Variants in PIWIL1 observed in about 807,000 individuals in gnomAD.
PIWIL1 encodes the protein piwi-like protein 1.
PIWIL1 carries 73 observed loss-of-function variants against 114.4 expected under a neutral mutation model. The observed-to-expected ratio is 0.64, with a 90% CI of 0.53 to 0.78. PIWIL1 has a LOEUF of 0.78. PIWIL1 is among the 30% of genes least tolerant of loss of function. The pLI is 0.00. For missense variants in PIWIL1, 723 were observed against 1,063.1 expected, an observed-to-expected ratio of 0.68 and a Z score of 4.45; for synonymous variants, 375 against 369.0, an observed-to-expected ratio of 1.02 and a Z score of -0.19.
In PIWIL1 at chr12:130,371,245, C is replaced by G; in HGVS notation, c.2391C>G (p.Ile797Met). ...TTTCTCCCACACATTACAATGTCAT[C>G]TATGACAACAGCGGCCTGAAGCCAG... ...GSVSPTHYNV[I>M]YDNSGLKPDH... The change falls in exon 20 of 21, where the codon ATC (isoleucine) becomes ATG (methionine). Residue 797 changes from isoleucine to methionine, a missense_variant. Transcript: ENST00000245255. 1 of 1,614,216 alleles carries G rather than the reference C, an allele frequency of 6.2e-7. No individual in the cohort carries two copies. Among genetic ancestry groups the G allele is most frequent in the Non-Finnish European group, 8.5e-7 (1 of 1,180,026 alleles).
At chr12:130,340,628 TG>T (rs2072887207) in intron 1 of PIWIL1, among the ~76,000 whole-genome samples, 4 of 4,314 alleles carry the variant, frequency 9.3e-4, no homozygotes, top group Admixed American at 9.1e-3. Flanking sequence ...TTGGTGGTGG[TG>T]GTTGGGGGAG....
chr12:130,405,039 G>A, the PIWIL1 span, among the ~76,000 whole-genome samples: 1 of 152,140 alleles, frequency 6.6e-6, no homozygotes, highest in South Asian at 2.1e-4. Flanking sequence ...GTAGATACTT[G>A]AGATTTACAT....
chr12:130,352,319 G>A (rs1249790892), intron 9 of PIWIL1, among the ~76,000 whole-genome samples: 1 of 152,082 alleles, frequency 6.6e-6, no homozygotes, highest in African/African-American at 2.4e-5. Context: ...AAAATAAAAG[G>A]TTTAACAGTA....
At chr12:130,422,434 C>A in the PIWIL1 span, 3 of 1,553,958 alleles carry the variant, frequency 1.9e-6, no homozygotes, top group Admixed American at 1.7e-5. The surrounding 1 kb of genome is among the most constrained non-coding windows in gnomAD (Gnocchi z 5.2). Context: ...GACACAACAG[C>A]GATGATGGGG....
chr12:130,410,180 T>C, the PIWIL1 span, among the ~76,000 whole-genome samples: 2 of 152,234 alleles, frequency 1.3e-5, no homozygotes, highest in African/African-American at 4.8e-5. Flanking sequence ...CACCCACATA[T>C]CGTCTTTGGC....
the PIWIL1 span, chr12:130,397,632 T>C: frequency 2.5e-5 from 10 of 397,476 alleles, no homozygotes; most frequent in South Asian, 1.1e-3. Flanking sequence ...TGTCCCCGTT[T>C]CCCACCAGGA....
intron 9 of PIWIL1, among the ~76,000 whole-genome samples, chr12:130,350,560 C>G (rs1017258569): frequency 5.3e-5 from 8 of 152,140 alleles, no homozygotes; most frequent in African/African-American, 1.9e-4. Flanking sequence ...CAGCTATTGA[C>G]TAGAAGAAAC....
the PIWIL1 span, chr12:130,424,433 A>T: frequency 8.1e-7 from 1 of 1,232,532 alleles, no homozygotes; most frequent in Non-Finnish European, 1.0e-6. The surrounding 1 kb of genome is among the most constrained non-coding windows in gnomAD (Gnocchi z 9.8). Flanking sequence ...AGGGACAGTG[A>T]CCAGGGCCTG....
At chr12:130,385,111 A>G in the PIWIL1 span, among the ~76,000 whole-genome samples, 1 of 152,144 alleles carries the variant, frequency 6.6e-6, no homozygotes, top group Non-Finnish European at 1.5e-5. Flanking sequence ...CTTTTGATGA[A>G]CTATTAGTTT....
chr12:130,424,264 A>G, the PIWIL1 span: 1 of 1,231,658 alleles, frequency 8.1e-7, no homozygotes. This position sits in a 1 kb window ranked among gnomAD's most constrained non-coding sequence, Gnocchi z 9.8. Flanking sequence ...GGCTCGCCCC[A>G]GCCGTGCTTC....
intron 1 of PIWIL1, chr12:130,342,357 C>A: frequency 3.9e-6 from 2 of 518,722 alleles, no homozygotes; most frequent in South Asian, 3.5e-5. Context: ...ATAGGTTTTC[C>A]CCTTTGGCCC....
chr12:130,365,017 T>C (rs2073616554), intron 18 of PIWIL1, among the ~76,000 whole-genome samples: 1 of 152,216 alleles, frequency 6.6e-6, no homozygotes, highest in Non-Finnish European at 1.5e-5. Context: ...CCAGAAGGAC[T>C]GGCAGAAATG....
Position 130,368,670 on chromosome 12 carries a change from C to T in PIWIL1, c.2321+1412C>T, listed in dbSNP as rs527707083. Among the ~76,000 whole-genome samples the T allele has an allele frequency of 3.2e-4, 48 of 152,130 alleles. 1 individual carries two copies. In the South Asian group the frequency reaches 6.9e-3, roughly 22 times the overall value. ...TCATTTCTGCAGGATTCTCTTTCAC[C>T]GTATTCAAAACGACCCCCGATGCTT... On this transcript the variant is annotated intron_variant, in intron 19 of 20. Coordinates refer to ENST00000245255, the MANE Select transcript of PIWIL1 (RefSeq NM_004764.5).
chr12:130,399,093 G>GTATC, the PIWIL1 span: 9 of 1,324,416 alleles, frequency 6.8e-6, no homozygotes, highest in Non-Finnish European at 8.9e-6. Context: ...ATCTTTATCG[G>GTATC]TATCTTCAGT....
the PIWIL1 span, chr12:130,424,649 C>T: frequency 3.2e-6 from 4 of 1,231,854 alleles, no homozygotes; most frequent in African/African-American, 1.6e-5. The surrounding 1 kb of genome is among the most constrained non-coding windows in gnomAD (Gnocchi z 9.8). Flanking sequence ...CCTCGTCGCC[C>T]CTGTAGGGCC....
At chr12:130,408,803 C>T in the PIWIL1 span, among the ~76,000 whole-genome samples, 1 of 152,200 alleles carries the variant, frequency 6.6e-6, no homozygotes, top group African/African-American at 2.4e-5. Context: ...CAGATGAAAA[C>T]TATCAAAGGC....
chr12:130,401,528 C>A, the PIWIL1 span, among the ~76,000 whole-genome samples: 1 of 151,842 alleles, frequency 6.6e-6, no homozygotes, highest in Non-Finnish European at 1.5e-5. Context: ...CACTCACTGC[C>A]CTGCCCCGCC....
chr12:130,397,347 CG>C, the PIWIL1 span: 3 of 398,890 alleles, frequency 7.5e-6, no homozygotes, highest in Non-Finnish European at 8.8e-6. Context: ...GGCAGTTGTC[CG>C]GAAGCACATG....
At chr12:130,367,460 A>T (rs7971911) in intron 19 of PIWIL1, among the ~76,000 whole-genome samples, 1 of 152,170 alleles carries the variant, frequency 6.6e-6, no homozygotes. Context: ...TTCCAAGTAC[A>T]GTTTTTCATT....
Sources: gnomAD v4.1 joint callset for allele counts (sites outside exome capture counted in the v4.1 genomes callset) on GRCh38, gnomAD v4.1.1 for gene constraint, Gnocchi (gnomAD v3.1) non-coding constraint, MANE v1.5 for transcripts, NCBI Gene and HGNC (gene_info 2026-07-23, HGNC 2026-07-21) for gene names.